The following CACNG3 variants were observed in gnomAD, a reference collection of about 807,000 sequenced individuals.
CACNG3 encodes the protein voltage-dependent calcium channel gamma-3 subunit.
A neutral mutation model predicts 28.5 loss-of-function variants in CACNG3; 3 were observed. The observed-to-expected ratio is 0.11, with a 90% confidence interval of 0.05 to 0.27. The LOEUF is 0.27. CACNG3 is among the 10% of genes least tolerant of loss of function. CACNG3 has a pLI of 1.00. For synonymous variants in CACNG3, 174 were observed against 162.2 expected (o/e 1.07, Z -0.55); for missense variants, 236 against 414.4 (o/e 0.57, Z 3.74).
rs142649456 is a variant in CACNG3, at chr16:24,316,428, C to T, written c.212-30306C>T. On this transcript the variant is annotated intron_variant, in intron 1 of 3. Coordinates refer to ENST00000005284, the MANE Select transcript of CACNG3 (RefSeq NM_006539.4). ...TCCGGCACACTGAGAGCATTCTCTG[C>T]CTGCTCTAAAGTGGACTCTGTGAGT... Among the ~76,000 whole-genome samples the T allele has an allele frequency of 3.3e-4, 50 of 151,816 alleles. No homozygotes were observed. The East Asian group carries it at 7.6e-3, about 23-fold the overall frequency.
At chr16:24,307,444 G>A (rs1899200228) in intron 1 of CACNG3, among the ~76,000 whole-genome samples, 1 of 152,078 alleles carries the variant, frequency 6.6e-6, no homozygotes. Flanking sequence ...CTTGACTCGA[G>A]TCTCCACAGG....
intron 1 of CACNG3, among the ~76,000 whole-genome samples, chr16:24,302,483 C>A (rs1019614747): frequency 1.3e-5 from 2 of 151,944 alleles, no homozygotes; most frequent in Non-Finnish European, 2.9e-5. Context: ...GAGATGGAGT[C>A]TTGCTCTGTT....
At chr16:24,297,762 G>A (rs893674748) in intron 1 of CACNG3, among the ~76,000 whole-genome samples, 5 of 152,122 alleles carry the variant, frequency 3.3e-5, no homozygotes, top group African/African-American at 9.7e-5. Context: ...AGATCTCTGC[G>A]GTGTTCCAGA....
At chr16:24,330,443 G>A (rs1899616621) in intron 1 of CACNG3, among the ~76,000 whole-genome samples, 1 of 152,180 alleles carries the variant, frequency 6.6e-6, no homozygotes, top group Admixed American at 6.5e-5. Context: ...TTTTTGTGAG[G>A]TTATGACAAT....
chr16:24,343,162 C>CTGGG (rs957432516), intron 1 of CACNG3, among the ~76,000 whole-genome samples: 2 of 152,064 alleles, frequency 1.3e-5, no homozygotes, highest in Non-Finnish European at 2.9e-5. Context: ...GCACTCCAGC[C>CTGGG]TGGGTGACAA....
chr16:24,303,908 A>G (rs1899148016), intron 1 of CACNG3, among the ~76,000 whole-genome samples: 1 of 152,174 alleles, frequency 6.6e-6, no homozygotes, highest in African/African-American at 2.4e-5. Context: ...ACCCCATCTC[A>G]AAAATAAATG....
Position 24,354,826 on chromosome 16 carries a change from T to C in CACNG3, c.296-7T>C. 4 of 1,611,486 alleles carry C rather than the reference T, an allele frequency of 2.5e-6. No individual in the cohort carries two copies. The highest frequency in any genetic ancestry group is 3.4e-6 in the Non-Finnish European group (4 of 1,179,482). On this transcript the variant is annotated splice_polypyrimidine_tract_variant and splice_region_variant and intron_variant, in intron 2 of 3. Transcript: ENST00000005284. ...ACAGGCAGAAGCCTCTCTCCTTCTC[T>C]CCGCAGGAGCTGTGAGGGCCTCCAG...
At chr16:24,310,704 A>G (rs1488870842) in intron 1 of CACNG3, among the ~76,000 whole-genome samples, 1 of 152,186 alleles carries the variant, frequency 6.6e-6, no homozygotes, top group Non-Finnish European at 1.5e-5. Flanking sequence ...TTTACAGATT[A>G]GGGAAATTGA....
chr16:24,295,337 G>A (rs893842296), intron 1 of CACNG3, among the ~76,000 whole-genome samples: 6 of 152,196 alleles, frequency 3.9e-5, no homozygotes, highest in African/African-American at 1.4e-4. Flanking sequence ...ACTGGGACAG[G>A]GAAACCCCAA....
intron 1 of CACNG3, among the ~76,000 whole-genome samples, chr16:24,261,214 A>G (rs1241591476): frequency 2.0e-5 from 3 of 152,158 alleles, no homozygotes; most frequent in African/African-American, 4.8e-5. Flanking sequence ...CTCTTAGCTC[A>G]ATTCTCAGCA....
intron 1 of CACNG3, among the ~76,000 whole-genome samples, chr16:24,302,452 T>G (rs1004260022): frequency 6.6e-6 from 1 of 151,958 alleles, no homozygotes; most frequent in Non-Finnish European, 1.5e-5. Context: ...GTATTGATTT[T>G]TTTTTATTTT....
chr16:24,344,996 T>C (rs1230210421), intron 1 of CACNG3, among the ~76,000 whole-genome samples: 10 of 152,286 alleles, frequency 6.6e-5, no homozygotes, highest in African/African-American at 2.4e-4. Context: ...ATGTTAATAC[T>C]AATAGCCTCT....
At chr16:24,313,208 A>G (rs962389183) in intron 1 of CACNG3, among the ~76,000 whole-genome samples, 2 of 152,198 alleles carry the variant, frequency 1.3e-5, no homozygotes, top group Non-Finnish European at 2.9e-5. Flanking sequence ...TATTCATTAA[A>G]ACATTCACTA....
In CACNG3 at chr16:24,342,618, T is replaced by G. The variant is rs1253923613; in HGVS notation, c.212-4116T>G. 2.0e-5 allele frequency among the ~76,000 whole-genome samples: 3 copies of G among 152,308 alleles called. No individual in the cohort carries two copies. In the East Asian group the frequency reaches 5.8e-4, roughly 29 times the overall value. On this transcript the variant is annotated intron_variant, in intron 1 of 3. Transcript: ENST00000005284. ...TGGCAAATACTGAACTCTGTTATAG[T>G]GGCATCAACATGTTTTATTTTCTTT...
At chr16:24,356,442 C>G (rs1900034201) in intron 3 of CACNG3, among the ~76,000 whole-genome samples, 1 of 152,220 alleles carries the variant, frequency 6.6e-6, no homozygotes, top group African/African-American at 2.4e-5. Context: ...TGGCTCATGC[C>G]TGTAATCCCA....
chr16:24,275,495 A>G (rs915969442), intron 1 of CACNG3, among the ~76,000 whole-genome samples: 3 of 152,232 alleles, frequency 2.0e-5, no homozygotes, highest in African/African-American at 7.2e-5. Context: ...AGAGTATGCT[A>G]GTGGTCTCAA....
chr16:24,344,298 G>A (rs1899829024), intron 1 of CACNG3, among the ~76,000 whole-genome samples: 1 of 151,902 alleles, frequency 6.6e-6, no homozygotes, highest in Non-Finnish European at 1.5e-5. Context: ...CAGGCCTGGT[G>A]GTCGGGAGGC....
intron 1 of CACNG3, among the ~76,000 whole-genome samples, chr16:24,269,673 G>A (rs1452680793): frequency 6.6e-6 from 1 of 150,752 alleles, no homozygotes; most frequent in African/African-American, 2.4e-5. Flanking sequence ...CTTAAACCTG[G>A]GAGGTGGAGG....
At chr16:24,317,614 G>GAAAGAAAC (rs1899380306) in intron 1 of CACNG3, among the ~76,000 whole-genome samples, 1 of 66,010 alleles carries the variant, frequency 1.5e-5, no homozygotes, top group Non-Finnish European at 2.9e-5. Flanking sequence ...AAGAAAGAAA[G>GAAAGAAAC]AAAGAAAGAA....
Sources: gnomAD v4.1 joint callset for allele counts (sites outside exome capture counted in the v4.1 genomes callset) on GRCh38, gnomAD v4.1.1 for gene constraint, MANE v1.5 for transcripts, NCBI Gene and HGNC (gene_info 2026-07-23, HGNC 2026-07-21) for gene names.